The following MECOM variants were observed in gnomAD, a reference collection of about 807,000 sequenced individuals.
MECOM encodes the protein histone-lysine N-methyltransferase MECOM.
MECOM carries 13 observed loss-of-function variants against 116.3 expected under a neutral mutation model. That is an observed-to-expected ratio of 0.11 (90% CI 0.07 to 0.18). The LOEUF (loss-of-function observed/expected upper bound fraction) is 0.18, where lower values mean the gene tolerates loss of function less well. MECOM is among the 10% of genes least tolerant of loss of function. The pLI, the probability that MECOM is intolerant of heterozygous loss-of-function variation, is 1.00. For missense variants in MECOM, 1,299 were observed against 1,509.0 expected, an observed-to-expected ratio of 0.86 and a Z score of 2.31; for synonymous variants, 528 against 535.2, an observed-to-expected ratio of 0.99 and a Z score of 0.19.
chr3:169,334,783 G>A (rs1577751730), intron 2 of MECOM, among the ~76,000 whole-genome samples: 1 of 152,156 alleles, frequency 6.6e-6, no homozygotes, highest in Admixed American at 6.6e-5. Context: ...TCCCTTTGGA[G>A]CCAGTGGCCC....
At chr3:169,625,045 A>AG (rs1279481726) in intron 1 of MECOM, among the ~76,000 whole-genome samples, 1 of 151,976 alleles carries the variant, frequency 6.6e-6, no homozygotes, top group African/African-American at 2.4e-5. Flanking sequence ...AAAAAAAAAA[A>AG]AAAAGAAAGG....
intron 2 of MECOM, among the ~76,000 whole-genome samples, chr3:169,377,254 G>A (rs1437493316): frequency 6.6e-6 from 1 of 152,082 alleles, no homozygotes. Context: ...TACCATCCAG[G>A]ACATAGGCAT....
intron 12 of MECOM, among the ~76,000 whole-genome samples, chr3:169,097,748 G>A (rs532343973): frequency 2.8e-5 from 4 of 144,196 alleles, no homozygotes; most frequent in African/African-American, 5.0e-5. Context: ...GGAGGCTGAC[G>A]TGGGAGAACT....
chr3:169,112,453 A>G (rs991771074), intron 9 of MECOM, among the ~76,000 whole-genome samples: 1 of 152,110 alleles, frequency 6.6e-6, no homozygotes, highest in African/African-American at 2.4e-5. Context: ...AGTATGATCT[A>G]TTTCTTAGTA....
intron 2 of MECOM, among the ~76,000 whole-genome samples, chr3:169,202,679 C>T (rs549921125): frequency 9.9e-5 from 15 of 152,004 alleles, no homozygotes; most frequent in East Asian, 5.8e-4. Flanking sequence ...TAACCAGACA[C>T]GGTGTAAGAG....
At chr3:169,391,581 T>G (rs565398571) in intron 1 of MECOM, among the ~76,000 whole-genome samples, 14 of 152,316 alleles carry the variant, frequency 9.2e-5, no homozygotes, top group Admixed American at 9.2e-4. Flanking sequence ...TTGCTTTTTT[T>G]AAGTATGAGA....
chr3:169,507,732 G>A (rs1393558253), intron 1 of MECOM, among the ~76,000 whole-genome samples: 1 of 139,856 alleles, frequency 7.2e-6, no homozygotes, highest in African/African-American at 2.7e-5. Context: ...CGCGATCTCG[G>A]CTCACTGCAA....
At chr3:169,086,728 G>A (rs1293399033) in intron 16 of MECOM, among the ~76,000 whole-genome samples, 1 of 152,168 alleles carries the variant, frequency 6.6e-6, no homozygotes, top group East Asian at 1.9e-4. Context: ...AGAGTTTCTT[G>A]AGGGAGAGCA....
chr3:169,308,466 G>A (rs1388845275), intron 2 of MECOM, among the ~76,000 whole-genome samples: 1 of 152,136 alleles, frequency 6.6e-6, no homozygotes, highest in African/African-American at 2.4e-5. Context: ...TCATGGTTTT[G>A]TACACAAGGG....
At chr3:169,281,284 T>C (rs911135793) in intron 2 of MECOM, among the ~76,000 whole-genome samples, 2 of 152,202 alleles carry the variant, frequency 1.3e-5, no homozygotes, top group African/African-American at 4.8e-5. Context: ...GAAGTATCTC[T>C]GGGTGTAGAA....
At chr3:169,149,131 G>GT (rs1199447881) in intron 2 of MECOM, among the ~76,000 whole-genome samples, 1 of 145,418 alleles carries the variant, frequency 6.9e-6, no homozygotes, top group Non-Finnish European at 1.5e-5. Flanking sequence ...CTCGAGCTAT[G>GT]AGCTGTTCTA....
At chr3:169,554,806 C>T (rs932744854) in intron 1 of MECOM, among the ~76,000 whole-genome samples, 13 of 152,164 alleles carry the variant, frequency 8.5e-5, no homozygotes, top group African/African-American at 3.1e-4. Flanking sequence ...GCAGTCCTCC[C>T]TGGACCAGGA....
At chr3:169,163,634 G>T (rs1193384694) in intron 2 of MECOM, among the ~76,000 whole-genome samples, 1 of 152,074 alleles carries the variant, frequency 6.6e-6, no homozygotes, top group Non-Finnish European at 1.5e-5. Flanking sequence ...TCACCCAACT[G>T]GTAGGTATTA....
chr3:169,508,005 C>A (rs761504330), intron 1 of MECOM, among the ~76,000 whole-genome samples: 2 of 152,120 alleles, frequency 1.3e-5, no homozygotes, highest in Non-Finnish European at 2.9e-5. Context: ...ACTTGTTTAG[C>A]CTCTTAAATC....
intron 3 of MECOM, among the ~76,000 whole-genome samples, chr3:169,132,755 CTT>C (rs371541265): frequency 1.8e-4 from 25 of 139,134 alleles, no homozygotes; most frequent in Non-Finnish European, 2.5e-4. Context: ...TTTTTCTTTT[CTT>C]TTTTTTTTTT....
intron 2 of MECOM, among the ~76,000 whole-genome samples, chr3:169,184,011 C>G (rs1234587705): frequency 1.3e-5 from 2 of 151,738 alleles, no homozygotes; most frequent in African/African-American, 4.8e-5. Flanking sequence ...ACTACAGGCA[C>G]CCGCCACCAC....
chr3:169,446,090 G>A (rs930325807), intron 1 of MECOM, among the ~76,000 whole-genome samples: 6 of 152,198 alleles, frequency 3.9e-5, no homozygotes, highest in Non-Finnish European at 7.3e-5. Flanking sequence ...GGACTTTTGA[G>A]TTAATGCTGA....
chr3:169,141,286 CA>C (rs969233791), intron 3 of MECOM, among the ~76,000 whole-genome samples: 7 of 151,994 alleles, frequency 4.6e-5, no homozygotes, highest in African/African-American at 1.7e-4. Context: ...ATCTAAAAAT[CA>C]GAGCAAAGAG....
intron 2 of MECOM, among the ~76,000 whole-genome samples, chr3:169,266,638 G>A (rs1459588154): frequency 6.6e-6 from 1 of 152,040 alleles, no homozygotes; most frequent in African/African-American, 2.4e-5. Context: ...CTCACATAAA[G>A]CAATCTGTAC....
Sources: gnomAD v4.1 joint callset for allele counts (sites outside exome capture counted in the v4.1 genomes callset) on GRCh38, gnomAD v4.1.1 for gene constraint, MANE v1.5 for transcripts, NCBI Gene and HGNC (gene_info 2026-07-23, HGNC 2026-07-21) for gene names.